Variants in PIGT observed in about 807,000 individuals in gnomAD.
PIGT encodes the protein phosphatidylinositol glycan anchor biosynthesis class T.
In PIGT, 57 loss-of-function variants were observed where a neutral mutation model predicts 66.7. The observed-to-expected ratio is 0.86, with a 90% CI of 0.69 to 1.07. The LOEUF (loss-of-function observed/expected upper bound fraction) is 1.07, where lower values mean the gene tolerates loss of function less well. Among genes scored for constraint, PIGT ranks in the 50% least tolerant of loss-of-function variants. The pLI is 0.00. For synonymous variants in PIGT, 362 were observed against 320.5 expected (o/e 1.13, Z -1.38); for missense variants, 725 against 740.4 (o/e 0.98, Z 0.24).
rs752291543 is a variant in PIGT, at chr20:45,420,518, G to A, written c.868-10G>A. 1.7e-5 allele frequency: 28 copies of A among 1,613,528 alleles called. No homozygotes were observed. In the Admixed American group the frequency reaches 4.7e-4, roughly 27 times the overall value. On this transcript the variant is annotated splice_polypyrimidine_tract_variant and intron_variant, in intron 7 of 11. Coordinates refer to ENST00000279036, the MANE Select transcript of PIGT (RefSeq NM_015937.6). ...CTGCTTGCTTCTTAGCCCTGCCTTTGTGTCCCCAGGACAACGAGACATTAG... is the reference window on the plus strand; with the variant it reads ...CTGCTTGCTTCTTAGCCCTGCCTTTATGTCCCCAGGACAACGAGACATTAG...
Position 45,421,416 on chromosome 20 carries a change from G to T in PIGT, c.1067G>T (p.Arg356Leu), listed in dbSNP as rs139366969. 6.2e-7 allele frequency: 1 copy of T among 1,614,086 alleles called. No homozygotes were observed. The highest frequency in any genetic ancestry group is 2.2e-5 in the East Asian group (1 of 44,882). The change falls in exon 9 of 12, where the codon CGG (arginine) becomes CTG (leucine). Residue 356 changes from arginine to leucine, a missense_variant. Transcript: ENST00000279036. ...CCAGTGCCCTTCCTGCATGCCCAGC[G>T]GTACGTGAGTGGCTATGGGCTGCAG... Reference protein sequence around the residue: ...APPVPFLHAQRYVSGYGLQKG... With the variant: ...APPVPFLHAQLYVSGYGLQKG...
intron 5 of PIGT, chr20:45,419,794 C>G (rs531415172): frequency 1.6e-5 from 10 of 608,000 alleles, no homozygotes; most frequent in African/African-American, 1.5e-4. Context: ...AATAGTGGTT[C>G]AGAACAATAG....
At chr20:45,424,842 C>T in intron 11 of PIGT, 1 of 510,648 alleles carries the variant, frequency 2.0e-6, no homozygotes, top group Non-Finnish European at 3.6e-6. Context: ...TTTAATCAAG[C>T]ACTTATCAAA....
chr20:45,424,813 T>C, intron 11 of PIGT: 1 of 563,012 alleles, frequency 1.8e-6, no homozygotes, highest in Non-Finnish European at 3.2e-6. Flanking sequence ...CTACATTTAC[T>C]TCTTGATGCT....
Position 45,425,598 on chromosome 20 carries a change from C to T in PIGT, c.1509C>T (p.Asn503=). ...NSLFPVSDGS[N]YFVRLYTEPL... is the part of the protein sequence containing the mutation. The stretch of plus-strand genomic sequence containing the variant: ...GGTTCCCAGTCTCTGATGGCTCTAA[C>T]TACTTTGTGCGGCTCTACACGGAGC... Residue 503 remains asparagine, a synonymous_variant, in exon 12 of 12, where the codon AAC becomes AAT. Transcript: ENST00000279036. 13 of 1,613,932 alleles carry T rather than the reference C, an allele frequency of 8.1e-6. No homozygotes were observed. Among genetic ancestry groups the T allele is most frequent in the Non-Finnish European group, 1.1e-5 (13 of 1,180,012 alleles).
rs1022553173 is a variant in PIGT at position 45,420,796 on chromosome 20, G to A, written c.1033+103G>A. On this transcript the variant is annotated intron_variant, in intron 8 of 11. Transcript: ENST00000279036. The stretch of plus-strand genomic sequence containing the variant: ...AGATGATTGGGTTGTATTTAGACCA[G>A]ATTTCCAGAGTCATATGCTGCTGAC... The A allele has an allele frequency of 4.1e-6, 5 of 1,205,960 alleles. No individual in the cohort carries two copies. In the African/African-American group the frequency reaches 6.0e-5, roughly 14 times the overall value. The allele number at this position is 1,205,960 out of a possible 1,614,324, so 74.7% of individuals were successfully genotyped here. A position where few individuals can be genotyped will look rare whatever the true frequency, so the allele number is the denominator to read the frequency against.
At position 45,420,626 on chromosome 20, in the gene PIGT, C is replaced by T; in HGVS notation, c.966C>T (p.Asp322=). 1.2e-6 allele frequency: 2 copies of T among 1,613,878 alleles called. No individual in the cohort carries two copies. The highest frequency in any genetic ancestry group is 1.7e-6 in the Non-Finnish European group (2 of 1,180,004). The change falls in exon 8 of 12, where the codon GAC becomes GAT. Residue 322 remains aspartate (D), a synonymous_variant. Coordinates refer to ENST00000279036, the MANE Select transcript of PIGT (RefSeq NM_015937.6). ...RKTYAIYDLL[D]TAMINNSRNL... is the part of the protein sequence containing the mutation. ...CCTATGCCATCTATGACTTGCTTGA[C>T]ACCGCCATGATCAACAACTCTCGAA...
intron 2 of PIGT, 113 bp downstream of exon 2, chr20:45,416,807 T>C: frequency 1.1e-6 from 1 of 935,022 alleles, no homozygotes; most frequent in Non-Finnish European, 1.5e-6. Context: ...AGCGATTCCA[T>C]GGGGGTAGAG....
In PIGT at chr20:45,420,336, G is replaced by T. The variant is rs1405656034; in HGVS notation, c.774G>T (p.Trp258Cys). 2 of 1,612,344 alleles carry T rather than the reference G, an allele frequency of 1.2e-6. No individual in the cohort carries two copies. The highest frequency in any genetic ancestry group is 1.7e-6 in the Non-Finnish European group (2 of 1,179,286). Residue 258 changes from tryptophan (W) to cysteine (C), a missense_variant, in exon 7 of 12, where the codon TGG (tryptophan) becomes TGT (cysteine). Transcript: ENST00000279036. ...GCCCTGCGCTCTGTTTCTCAGACTG[G>T]TCCCTCTTCCGGATGTTCTCCCGAA... ...AFITGQGKKD[W>C]SLFRMFSRTL... is the part of the protein sequence containing the mutation.
Position 45,416,533 on chromosome 20 carries a change from C to G in PIGT, c.204C>G (p.Leu68=), listed in dbSNP as rs761696215. ...TTTCCCCAGTGTCCCATTACAGGCT[C>G]TTTCCCAAAGCCCTGGGGCAGCTGA... is the stretch of plus-strand genomic sequence containing the variant. ...LQREGVSHYR[L]FPKALGQLIS... The change falls in exon 2 of 12, where the codon CTC becomes CTG. Residue 68 remains leucine, a synonymous_variant. Transcript: ENST00000279036. 1 of 1,614,128 alleles carries G rather than the reference C, an allele frequency of 6.2e-7. No individual in the cohort carries two copies. The highest frequency in any genetic ancestry group is 1.7e-5 in the Admixed American group (1 of 60,014).
At position 45,416,677 on chromosome 20, in the gene PIGT, C is replaced by G. The variant is rs142960172; in HGVS notation, c.348C>G (p.Phe116Leu). 1.7e-5 allele frequency: 27 copies of G among 1,613,244 alleles called. No individual in the cohort carries two copies. The highest frequency in any genetic ancestry group is 1.9e-5 in the Non-Finnish European group (23 of 1,179,778). The change falls in exon 2 of 12, where the codon TTC (phenylalanine) becomes TTG (leucine). Residue 116 changes from phenylalanine (F) to leucine (L), a missense_variant. By Grantham distance (22) the Phe-to-Leu change is conservative. Transcript: ENST00000279036. ...CAGGTGCAGAGCTGTGGGTCTGGTTCCAAGACACTGTCACTGAGTGAGTGC... is the reference window on the plus strand; with the variant it reads ...CAGGTGCAGAGCTGTGGGTCTGGTTGCAAGACACTGTCACTGAGTGAGTGC... The part of the protein sequence containing the change: ...APSGAELWVW[F>L]QDTVTDVDKS...
Position 45,424,349 on chromosome 20 carries a change from C to T in PIGT, c.1368C>T (p.Tyr456=), listed in dbSNP as rs1235144070. The T allele has an allele frequency of 1.9e-6, 3 of 1,614,072 alleles. No homozygotes were observed. Among genetic ancestry groups the T allele is most frequent in the South Asian group, 2.2e-5 (2 of 91,088 alleles). ...FERALLKWTE[Y]TPDPNHGFYV... ...GGGCGCTGCTGAAGTGGACCGAGTACACGCCAGATCCTAACCATGGCTTCT... is the reference window on the plus strand; with the variant it reads ...GGGCGCTGCTGAAGTGGACCGAGTATACGCCAGATCCTAACCATGGCTTCT... The change falls in exon 10 of 12, where the codon TAC becomes TAT. Residue 456 remains tyrosine, a synonymous_variant. Transcript: ENST00000279036.
chr20:45,425,145 T>C (rs867996379), intron 11 of PIGT: 29 of 14,880 alleles, frequency 1.9e-3, no homozygotes, highest in African/African-American at 2.8e-3. Flanking sequence ...TTCTTTCTCT[T>C]TCTTTCTTTC....
chr20:45,420,619 T>A lies in PIGT; in HGVS notation c.959T>A (p.Leu320Ter). The change falls in exon 8 of 12, where the codon TTG becomes TAG. Residue 320 changes from leucine (L) to a stop codon, truncating the protein, a stop_gained. Coordinates refer to ENST00000279036, the MANE Select transcript of PIGT (RefSeq NM_015937.6). LOFTEE classifies it high-confidence loss of function. ...GTRKTYAIYDLLDTAMINNSR... is the reference protein window; with the variant it reads ...GTRKTYAIYD ...CGGAAGACCTATGCCATCTATGACT[T>A]GCTTGACACCGCCATGATCAACAAC... The A allele has an allele frequency of 6.2e-7, 1 of 1,613,848 alleles. No individual in the cohort carries two copies. The highest frequency in any genetic ancestry group is 8.5e-7 in the Non-Finnish European group (1 of 1,180,002).
Position 45,426,096 on chromosome 20 carries a change from A to G in PIGT, c.*270A>G. ...AGCAAAAGTGGTCGGTGGCTGCTGT[A>G]TTGGACAGCACAGAAAAAGATTTCC... is the stretch of plus-strand genomic sequence containing the variant. On this transcript the variant is annotated 3_prime_UTR_variant, in exon 12 of 12. Transcript: ENST00000279036. 1 of 525,968 alleles carries G rather than the reference A, an allele frequency of 1.9e-6. No homozygotes were observed. Among genetic ancestry groups the G allele is most frequent in the South Asian group, 2.3e-5 (1 of 43,600 alleles). The allele number at this position is 525,968 out of a possible 1,614,324, so 32.6% of individuals were successfully genotyped here.
At chr20:45,424,921 T>G (rs993761831) in intron 11 of PIGT, 3 of 327,696 alleles carry the variant, frequency 9.2e-6, no homozygotes, top group Non-Finnish European at 1.8e-5. Flanking sequence ...GGCCTCCCTT[T>G]GCTTACAGTC....
intron 11 of PIGT, chr20:45,424,867 G>C: frequency 2.2e-6 from 1 of 447,606 alleles, no homozygotes; most frequent in Non-Finnish European, 4.1e-6. Flanking sequence ...AAGTGCTTCT[G>C]AGAGCACTGA....
At chr20:45,421,136 T>C in intron 8 of PIGT, 1 of 562,636 alleles carries the variant, frequency 1.8e-6, no homozygotes, top group Non-Finnish European at 3.2e-6. Context: ...TGAGAGGACC[T>C]GGATTGGGTT....
At position 45,419,414 on chromosome 20, in the gene PIGT, G is replaced by A. The variant is rs1244995233; in HGVS notation, c.594+19G>A. ...TTCCAAGGTGAGGCCGCAGAGCCTGGCAGCCGGGGGCGGGGGGTGTATAGA... is the reference window on the plus strand; with the variant it reads ...TTCCAAGGTGAGGCCGCAGAGCCTGACAGCCGGGGGCGGGGGGTGTATAGA... On this transcript the variant is annotated intron_variant, in intron 4 of 11. Coordinates refer to ENST00000279036, the MANE Select transcript of PIGT (RefSeq NM_015937.6). 10 of 1,575,986 alleles carry A rather than the reference G, an allele frequency of 6.3e-6. No individual in the cohort carries two copies. Among genetic ancestry groups the A allele is most frequent in the Non-Finnish European group, 8.6e-6 (10 of 1,161,852 alleles).
Sources: allele counts gnomAD v4.1 joint callset, GRCh38; gene constraint gnomAD v4.1.1; transcripts MANE v1.5; gene names NCBI Gene and HGNC (gene_info 2026-07-23, HGNC 2026-07-21).